The following MSI2 variants were observed in gnomAD, a reference collection of about 807,000 sequenced individuals.
The protein encoded by MSI2 is RNA-binding protein Musashi homolog 2.
A neutral mutation model predicts 45.6 loss-of-function variants in MSI2; 17 were observed. The ratio of observed to expected loss-of-function variants is 0.37; its 90% CI spans 0.26 to 0.56. The LOEUF is 0.56. MSI2 is among the 20% of genes least tolerant of loss of function. The probability of loss-of-function intolerance (pLI) is 0.77; values close to 1 mark genes in which losing one functional copy is unlikely to be tolerated. For missense variants in MSI2, 293 were observed against 444.2 expected (o/e 0.66, Z 3.06); for synonymous variants, 156 against 158.2 (o/e 0.99, Z 0.11).
At position 57,552,447 on chromosome 17, in the gene MSI2, G is replaced by A. The variant is rs933281274; in HGVS notation, c.454+22723G>A. Among the ~76,000 whole-genome samples, 1 of 151,942 alleles carries A rather than the reference G, an allele frequency of 6.6e-6. No individual in the cohort carries two copies. The highest frequency in any genetic ancestry group is 1.5e-5 in the Non-Finnish European group (1 of 67,994). ...CCCTGGGTCTTCCACCTCCTGGCAC[G>A]CTCTAGCCTAGGCCTGAAGTAGCAG... is the stretch of plus-strand genomic sequence containing the variant. On this transcript the variant is annotated intron_variant, in intron 7 of 13. Coordinates refer to ENST00000284073, the MANE Select transcript of MSI2 (RefSeq NM_138962.4). The surrounding 1 kb of genome is among the most constrained non-coding windows in gnomAD (Gnocchi z 4.3).
At chr17:57,440,222 G>C (rs1267041152) in intron 6 of MSI2, among the ~76,000 whole-genome samples, 1 of 152,180 alleles carries the variant, frequency 6.6e-6, no homozygotes, top group Non-Finnish European at 1.5e-5. Flanking sequence ...TCTGAGAAGT[G>C]AACTGGGTGG....
intron 5 of MSI2, among the ~76,000 whole-genome samples, chr17:57,300,870 A>G (rs184917789): frequency 2.0e-5 from 3 of 152,324 alleles, no homozygotes; most frequent in Middle Eastern, 3.4e-3. Flanking sequence ...CTACGATTCA[A>G]TTATCTTCCA....
At chr17:57,274,934 A>T (rs1908713835) in intron 5 of MSI2, among the ~76,000 whole-genome samples, 1 of 152,372 alleles carries the variant, frequency 6.6e-6, no homozygotes, top group African/African-American at 2.4e-5. Context: ...GCCAGTATAA[A>T]TAAGGCACCA....
At chr17:57,304,273 C>G (rs1911678987) in intron 5 of MSI2, among the ~76,000 whole-genome samples, 1 of 147,008 alleles carries the variant, frequency 6.8e-6, no homozygotes. Flanking sequence ...AGGAGAATCG[C>G]TTGAACCCAG....
In MSI2 at chr17:57,644,233, T is replaced by C. The variant is rs1393456779; in HGVS notation, c.728-7866T>C. On this transcript the variant is annotated intron_variant, in intron 10 of 13. Coordinates refer to ENST00000284073, the MANE Select transcript of MSI2 (RefSeq NM_138962.4). The stretch of plus-strand genomic sequence containing the variant: ...TAAGTTGTTTTTTTTTTTTTTTTTT[T>C]CAAATGGAAATACATCTTCCTTCAA... Among the ~76,000 whole-genome samples the C allele has an allele frequency of 1.1e-4, 17 of 151,138 alleles. No individual in the cohort carries two copies. In the East Asian group the frequency reaches 1.5e-3, roughly 14 times the overall value.
At chr17:57,389,382 A>G (rs2083745747) in intron 5 of MSI2, among the ~76,000 whole-genome samples, 1 of 152,056 alleles carries the variant, frequency 6.6e-6, no homozygotes, top group South Asian at 2.1e-4. Flanking sequence ...CTTGCATCCC[A>G]CAATGTCTTA....
intron 5 of MSI2, among the ~76,000 whole-genome samples, chr17:57,341,780 G>A (rs146937676): frequency 1.3e-3 from 203 of 152,276 alleles, no homozygotes; most frequent in African/African-American, 4.7e-3. Flanking sequence ...ATACAAAAAA[G>A]CCATTTGAAA....
intron 10 of MSI2, chr17:57,630,183 G>GGGC (rs1909219258): frequency 1.3e-5 from 2 of 148,494 alleles, no homozygotes; most frequent in African/African-American, 4.9e-5. Flanking sequence ...GGAACTGGGG[G>GGGC]GGCGGGGGAT....
At chr17:57,442,237 G>A (rs1029360409) in intron 6 of MSI2, among the ~76,000 whole-genome samples, 5 of 151,974 alleles carry the variant, frequency 3.3e-5, no homozygotes, top group Admixed American at 1.3e-4. Context: ...GGGTTTCACC[G>A]TGTTGGCCAG....
intron 6 of MSI2, among the ~76,000 whole-genome samples, chr17:57,526,939 CCT>C (rs2086714953): frequency 6.6e-6 from 1 of 152,004 alleles, no homozygotes; most frequent in Non-Finnish European, 1.5e-5. Context: ...ATATACAGAT[CCT>C]CCCCCACGCT....
intron 5 of MSI2, among the ~76,000 whole-genome samples, chr17:57,346,036 G>A (rs1463028770): frequency 3.9e-5 from 6 of 152,134 alleles, no homozygotes; most frequent in African/African-American, 1.4e-4. Context: ...AAAGGTGAGA[G>A]ATGAAAAATG....
At chr17:57,639,480 T>A (rs1266670404) in intron 10 of MSI2, among the ~76,000 whole-genome samples, 1 of 152,208 alleles carries the variant, frequency 6.6e-6, no homozygotes, top group African/African-American at 2.4e-5. Flanking sequence ...ACACATGCTT[T>A]GTGAGCCGGG....
chr17:57,548,069 C>T (rs1269359777), intron 7 of MSI2, among the ~76,000 whole-genome samples: 2 of 152,172 alleles, frequency 1.3e-5, no homozygotes, highest in Admixed American at 1.3e-4. Context: ...AGAGAGATCC[C>T]ATAGATGTGG....
intron 5 of MSI2, among the ~76,000 whole-genome samples, chr17:57,304,509 A>C (rs1598096087): frequency 1.5e-5 from 2 of 129,294 alleles, no homozygotes; most frequent in Admixed American, 8.2e-5. Context: ...TGCAGCCTCC[A>C]CCTCCCCGGT....
chr17:57,513,066 C>T (rs566175276), intron 6 of MSI2, among the ~76,000 whole-genome samples: 22 of 151,160 alleles, frequency 1.5e-4, no homozygotes, highest in African/African-American at 4.1e-4. Flanking sequence ...CTCCACCTCC[C>T]GGGTTCAAGC....
rs1555621979 is a variant in MSI2 at position 57,547,789 on chromosome 17, C to CACACACACACACACAT, written c.454+18065_454+18066insACACACACACACACAT. On this transcript the variant is annotated intron_variant, in intron 7 of 13. Coordinates refer to ENST00000284073, the MANE Select transcript of MSI2 (RefSeq NM_138962.4). ...ACACACACACACACACACACACACACGTCTCTGGAGAATTAACATAACCTA... is the reference window on the plus strand; with the variant it reads ...ACACACACACACACACACACACACACACACACACACACACATGTCTCTGGAGAATTAACATAACCTA... 4.5e-4 allele frequency among the ~76,000 whole-genome samples: 66 copies of CACACACACACACACAT among 145,200 alleles called. 1 individual carries two copies. The highest frequency in any genetic ancestry group is 3.6e-3 in the Middle Eastern group (1 of 274).
chr17:57,391,960 CCATAGTGGGTCT>C (rs1190584958), intron 5 of MSI2, among the ~76,000 whole-genome samples: 1 of 152,186 alleles, frequency 6.6e-6, no homozygotes, highest in African/African-American at 2.4e-5. Flanking sequence ...GGGGTCTTCC[CCATAGTGGGTCT>C]GAATCACCGT....
intron 6 of MSI2, among the ~76,000 whole-genome samples, chr17:57,441,594 G>A (rs960447731): frequency 6.6e-6 from 1 of 152,220 alleles, no homozygotes; most frequent in Non-Finnish European, 1.5e-5. Context: ...AGGAAGACAG[G>A]ACCCTATAAG....
intron 9 of MSI2, among the ~76,000 whole-genome samples, chr17:57,620,381 A>C (rs1375142926): frequency 1.3e-5 from 2 of 152,208 alleles, no homozygotes; most frequent in Non-Finnish European, 2.9e-5. Flanking sequence ...AGAAAGAAAA[A>C]ATATGCTATT....
Sources: allele counts gnomAD v4.1 joint callset (sites outside exome capture counted in the v4.1 genomes callset), GRCh38; gene constraint gnomAD v4.1.1; non-coding constraint Gnocchi (gnomAD v3.1); transcripts MANE v1.5; gene names NCBI Gene and HGNC (gene_info 2026-07-23, HGNC 2026-07-21).